The following GTPBP4 variants were observed in gnomAD, a reference collection of about 807,000 sequenced individuals.
GTPBP4 encodes GTP-binding protein 4.
A neutral mutation model predicts 81.7 loss-of-function variants in GTPBP4; 15 were observed. That is an observed-to-expected ratio of 0.18 (90% CI 0.12 to 0.28). GTPBP4 has a LOEUF of 0.28. Ranked by LOEUF, GTPBP4 falls within the 10% of genes least tolerant of loss-of-function variation. GTPBP4 has a pLI of 1.00. For missense variants in GTPBP4, 847 were observed against 793.8 expected (o/e 1.07, Z -0.81); for synonymous variants, 272 against 274.6 (o/e 0.99, Z 0.09).
rs1197393952 is a variant in GTPBP4 at position 1,007,116 on chromosome 10, G to C, written c.1101G>C (p.Arg367Ser). 1.9e-6 allele frequency: 3 copies of C among 1,589,076 alleles called. No homozygotes were observed. Among genetic ancestry groups the C allele is most frequent in the Middle Eastern group, 1.7e-4 (1 of 6,014 alleles). ...LNRLHLAIPT[R>S]RDDKERPPFI... ...GACTGCACCTGGCTATCCCAACCAG[G>C]AGGGACGATAAGGTAAGACGGCCCC... The change falls in exon 10 of 17, where the codon AGG becomes AGC. Residue 367 changes from arginine (R) to serine (S), a missense_variant. By Grantham distance (110) the Arg-to-Ser change is moderately radical. Coordinates refer to ENST00000360803, the MANE Select transcript of GTPBP4 (RefSeq NM_012341.3).
chr10:1,011,694 T>C (rs1349791434), intron 13 of GTPBP4, among the ~76,000 whole-genome samples: 2 of 152,130 alleles, frequency 1.3e-5, no homozygotes, highest in Non-Finnish European at 2.9e-5. Context: ...GGATAGCAGA[T>C]TCTGGGGGCA....
At position 1,019,535 on chromosome 10, in the gene GTPBP4, G is replaced by A. The variant is rs779081589; in HGVS notation, c.*2308G>A. ...CTGCCTCTCACACTCTGTGTATTTTGTGAAGCTCCACAAACGGGGTCACGT... is the reference window on the plus strand; with the variant it reads ...CTGCCTCTCACACTCTGTGTATTTTATGAAGCTCCACAAACGGGGTCACGT... On this transcript the variant is annotated 3_prime_UTR_variant, in exon 17 of 17. Coordinates refer to ENST00000360803, the MANE Select transcript of GTPBP4 (RefSeq NM_012341.3). 7 of 1,612,874 alleles carry A rather than the reference G, an allele frequency of 4.3e-6. No individual in the cohort carries two copies. The highest frequency in any genetic ancestry group is 5.1e-6 in the Non-Finnish European group (6 of 1,179,248).
chr10:1,019,579 A>G lies in GTPBP4; in HGVS notation c.*2352A>G. The G allele has an allele frequency of 6.2e-7, 1 of 1,613,964 alleles. No individual in the cohort carries two copies. Among genetic ancestry groups the G allele is most frequent in the Non-Finnish European group, 8.5e-7 (1 of 1,179,996 alleles). ...GTCACGTCATCCAGGTGAGGCCACCACCGGTACAGAAACCTCTCGGCAATG... is the reference window on the plus strand; with the variant it reads ...GTCACGTCATCCAGGTGAGGCCACCGCCGGTACAGAAACCTCTCGGCAATG... On this transcript the variant is annotated 3_prime_UTR_variant, in exon 17 of 17. Coordinates refer to ENST00000360803, the MANE Select transcript of GTPBP4 (RefSeq NM_012341.3).
In GTPBP4 at chr10:1,018,757, A is replaced by C. The variant is rs111433428; in HGVS notation, c.*1530A>C. The C allele has an allele frequency of 6.6e-6, 1 of 150,566 alleles. No individual in the cohort carries two copies. The highest frequency in any genetic ancestry group is 1.5e-5 in the Non-Finnish European group (1 of 67,688). 9.3% of individuals were successfully genotyped at this position (150,566 alleles called of 1,614,324 possible). Reference sequence around the variant, plus strand: ...CGGGAGGCGGAGCTTGCAGTGAGCCAAGATCGCACCACTGCACTCCAGCCT... The same window carrying C: ...CGGGAGGCGGAGCTTGCAGTGAGCCCAGATCGCACCACTGCACTCCAGCCT... On this transcript the variant is annotated 3_prime_UTR_variant, in exon 17 of 17. Coordinates refer to ENST00000360803, the MANE Select transcript of GTPBP4 (RefSeq NM_012341.3).
intron 8 of GTPBP4, among the ~76,000 whole-genome samples, chr10:1,003,827 G>A (rs972578184): frequency 2.6e-5 from 4 of 152,166 alleles, no homozygotes; most frequent in African/African-American, 9.7e-5. Context: ...CTTGGTGTCA[G>A]GTCTGACATG....
At position 988,740 on chromosome 10, in the gene GTPBP4, G is replaced by A. The variant is rs1831387915; in HGVS notation, c.48+213G>A. ...AGAGATCGGATCCCCCAGAGACCGGGGTCCACCTAAGACCGTGGTCCACCC... is the reference window on the plus strand; with the variant it reads ...AGAGATCGGATCCCCCAGAGACCGGAGTCCACCTAAGACCGTGGTCCACCC... On this transcript the variant is annotated intron_variant, in intron 1 of 16. Coordinates refer to ENST00000360803, the MANE Select transcript of GTPBP4 (RefSeq NM_012341.3). The A allele has an allele frequency of 5.1e-6, 3 of 583,248 alleles. No individual in the cohort carries two copies. The South Asian group carries it at 6.0e-5, about 12-fold the overall frequency. 36.1% of individuals were successfully genotyped at this position (583,248 alleles called of 1,614,324 possible). A position where few individuals can be genotyped will look rare whatever the true frequency, so the allele number is the denominator to read the frequency against.
At chr10:1,015,135 T>G (rs1047759024) in intron 15 of GTPBP4, among the ~76,000 whole-genome samples, 1 of 152,212 alleles carries the variant, frequency 6.6e-6, no homozygotes, top group African/African-American at 2.4e-5. Context: ...TTTCTTTAAG[T>G]GGAGTTAAAA....
chr10:1,014,203 C>T, intron 14 of GTPBP4, 44 bp from the exon 15 acceptor site: 2 of 1,253,902 alleles, frequency 1.6e-6, no homozygotes, highest in Non-Finnish European at 2.3e-6. Flanking sequence ...TTCAACATTT[C>T]ATCAAACTAA....
At position 1,019,289 on chromosome 10, in the gene GTPBP4, A is replaced by G. The variant is rs1007732853; in HGVS notation, c.*2062A>G. ...TAAAATGGAAATTGGGACAAAGGAA[A>G]TGTTAAATTTCCTCCCTGCAACCAG... On this transcript the variant is annotated 3_prime_UTR_variant, in exon 17 of 17. Coordinates refer to ENST00000360803, the MANE Select transcript of GTPBP4 (RefSeq NM_012341.3). The G allele has an allele frequency of 2.4e-5, 12 of 500,712 alleles. 1 individual carries two copies. In the South Asian group the frequency reaches 3.2e-4, roughly 13 times the overall value. 31.0% of individuals were successfully genotyped at this position (500,712 alleles called of 1,614,324 possible).
intron 14 of GTPBP4, among the ~76,000 whole-genome samples, chr10:1,012,975 T>C (rs969475380): frequency 6.6e-6 from 1 of 152,138 alleles, no homozygotes; most frequent in East Asian, 1.9e-4. Context: ...TCCTCTTCTT[T>C]TTTCTCTCTC....
At chr10:1,002,030 T>C (rs1396023139) in intron 8 of GTPBP4, among the ~76,000 whole-genome samples, 3 of 152,140 alleles carry the variant, frequency 2.0e-5, no homozygotes, top group African/African-American at 4.8e-5. Flanking sequence ...TTCAAGTGAT[T>C]CTCCTGCCTC....
At chr10:1,015,393 A>G (rs1362436859) in intron 15 of GTPBP4, among the ~76,000 whole-genome samples, 2 of 122,492 alleles carry the variant, frequency 1.6e-5, no homozygotes, top group Middle Eastern at 4.3e-3. Flanking sequence ...TGAGCCTGGG[A>G]GTGGACCTGG....
At chr10:1,009,745 C>G (rs1001800572) in intron 12 of GTPBP4, among the ~76,000 whole-genome samples, 165 bp downstream of exon 12, 1 of 152,232 alleles carries the variant, frequency 6.6e-6, no homozygotes, top group Non-Finnish European at 1.5e-5. Context: ...GGTGCAGTGG[C>G]TCACGCCTGT....
chr10:1,009,471 G>C, intron 11 of GTPBP4, 58 bp from the exon 12 acceptor site: 1 of 1,092,904 alleles, frequency 9.1e-7, no homozygotes, highest in East Asian at 2.3e-5. Flanking sequence ...AAGGGGCAGA[G>C]CATTTCTGGA....
At chr10:1,013,526 T>C (rs909621887) in intron 14 of GTPBP4, among the ~76,000 whole-genome samples, 2 of 151,754 alleles carry the variant, frequency 1.3e-5, no homozygotes, top group South Asian at 4.2e-4. Flanking sequence ...AGGAAAATGG[T>C]GTGAACCCGG....
chr10:1,008,932 A>G (rs1831800800), intron 10 of GTPBP4, 26 bp from the exon 11 acceptor site: 1 of 1,558,038 alleles, frequency 6.4e-7, no homozygotes, highest in South Asian at 1.1e-5. Context: ...CATTTCACAT[A>G]AATATTTTAT....
intron 8 of GTPBP4, among the ~76,000 whole-genome samples, chr10:1,003,923 G>A (rs1331077200): frequency 6.6e-6 from 1 of 152,142 alleles, no homozygotes; most frequent in Non-Finnish European, 1.5e-5. Flanking sequence ...TTAGGGTCTT[G>A]TGTGCCTATC....
In GTPBP4 at chr10:1,019,653, A is replaced by T; in HGVS notation, c.*2426A>T. Reference sequence around the variant, plus strand: ...GACTTCACCCCTCGCCTCCCTCTCCAGCAGCTCCCACAGCTCCTCCTGGGA... The same window carrying T: ...GACTTCACCCCTCGCCTCCCTCTCCTGCAGCTCCCACAGCTCCTCCTGGGA... On this transcript the variant is annotated 3_prime_UTR_variant, in exon 17 of 17. Transcript: ENST00000360803. 1 of 1,614,032 alleles carries T rather than the reference A, an allele frequency of 6.2e-7. No individual in the cohort carries two copies. The highest frequency in any genetic ancestry group is 8.5e-7 in the Non-Finnish European group (1 of 1,179,996).
chr10:1,016,526 C>T (rs1478175083), intron 16 of GTPBP4, among the ~76,000 whole-genome samples: 1 of 152,236 alleles, frequency 6.6e-6, no homozygotes, highest in Non-Finnish European at 1.5e-5. Context: ...CTTCACTCCT[C>T]TGTGCCATTG....
Sources: allele counts gnomAD v4.1 joint callset (sites outside exome capture counted in the v4.1 genomes callset), GRCh38; gene constraint gnomAD v4.1.1; transcripts MANE v1.5; gene names NCBI Gene and HGNC (gene_info 2026-07-23, HGNC 2026-07-21).